Variants in ELFN1 observed in about 807,000 individuals in gnomAD.
The protein encoded by ELFN1 is protein ELFN1.
ELFN1 carries 6 observed loss-of-function variants against 7.6 expected under a neutral mutation model. The observed-to-expected ratio is 0.79, with a 90% CI of 0.43 to 1.56. The LOEUF is 1.56. ELFN1 is among the 40% of genes most tolerant of loss of function. The pLI, the probability that ELFN1 is intolerant of heterozygous loss-of-function variation, is 0.01. For missense variants in ELFN1, 1,169 were observed against 1,232.2 expected (o/e 0.95, Z 0.77); for synonymous variants, 657 against 588.1 (o/e 1.12, Z -1.70).
At chr7:1,679,149 A>G (rs544530095) in intron 1 of ELFN1, among the ~76,000 whole-genome samples, 41 of 151,440 alleles carry the variant, frequency 2.7e-4, no homozygotes, top group East Asian at 9.7e-4. Context: ...GCGTGCGCGC[A>G]CACACACACG....
At chr7:1,743,451 G>C (rs1340644757) in intron 3 of ELFN1, among the ~76,000 whole-genome samples, 1 of 152,208 alleles carries the variant, frequency 6.6e-6, no homozygotes, top group East Asian at 1.9e-4. Context: ...CCTTCCAGAA[G>C]GGAGGTGGCC....
intron 3 of ELFN1, among the ~76,000 whole-genome samples, chr7:1,743,098 C>G (rs1452950092): frequency 6.6e-6 from 1 of 151,998 alleles, no homozygotes; most frequent in South Asian, 2.1e-4. Flanking sequence ...TGGGGGGGTC[C>G]ATGGGGGAGC....
chr7:1,722,617 G>A (rs1399365936), intron 3 of ELFN1, among the ~76,000 whole-genome samples: 6 of 151,950 alleles, frequency 3.9e-5, no homozygotes, highest in Middle Eastern at 3.2e-3. Context: ...CTTTAATACC[G>A]TCTCTGGTGT....
chr7:1,744,893 C>T lies in ELFN1; in HGVS notation c.297C>T (p.Ile99=), dbSNP rs202117598. ...LNLTKNEIGY[I]EDGAFSGQFN... ...TCACCAAGAACGAGATCGGCTACAT[C>T]GAGGACGGCGCCTTCTCGGGCCAGT... is the stretch of plus-strand genomic sequence containing the variant. Residue 99 remains isoleucine, a synonymous_variant, in exon 4 of 4, where the codon ATC becomes ATT. Coordinates refer to ENST00000424383, the MANE Select transcript of ELFN1 (RefSeq NM_001128636.4). 2.2e-3 allele frequency: 3,426 copies of T among 1,559,432 alleles called. 32 individuals are homozygous for T. The highest frequency in any genetic ancestry group is 0.015 in the South Asian group (1,307 of 84,564).
chr7:1,720,168 A>T (rs1779975999), intron 3 of ELFN1, among the ~76,000 whole-genome samples: 1 of 152,022 alleles, frequency 6.6e-6, no homozygotes, highest in South Asian at 2.1e-4. Context: ...CTCCTTTTAA[A>T]CCCCACCCTC....
intron 2 of ELFN1, among the ~76,000 whole-genome samples, chr7:1,704,792 G>C (rs757612748): frequency 6.6e-6 from 1 of 152,116 alleles, no homozygotes; most frequent in Admixed American, 6.5e-5. Flanking sequence ...AACGTCACCT[G>C]TCTGCTGAGG....
intron 2 of ELFN1, among the ~76,000 whole-genome samples, chr7:1,698,443 G>A (rs1026351291): frequency 4.6e-5 from 7 of 152,300 alleles, no homozygotes; most frequent in Admixed American, 3.9e-4. Flanking sequence ...AAGATGGGGC[G>A]AGGGGGCCTG....
intron 3 of ELFN1, among the ~76,000 whole-genome samples, chr7:1,730,067 C>T (rs577699495): frequency 3.3e-5 from 5 of 152,392 alleles, no homozygotes; most frequent in East Asian, 1.9e-4. Context: ...TCCGCCACGT[C>T]GGATGCCTTC....
rs542416349 is a variant in ELFN1, at chr7:1,704,443, G to A, written c.-455-4648G>A. On this transcript the variant is annotated intron_variant, in intron 2 of 3. Coordinates refer to ENST00000424383, the MANE Select transcript of ELFN1 (RefSeq NM_001128636.4). ...CACACATGCACACACAAGCACACCT[G>A]CATGCACACACACTCATGCATGTGC... is the stretch of plus-strand genomic sequence containing the variant. 2.0e-5 allele frequency among the ~76,000 whole-genome samples: 3 copies of A among 152,226 alleles called. No individual in the cohort carries two copies. In the East Asian group the frequency reaches 5.8e-4, roughly 29 times the overall value.
Position 1,701,770 on chromosome 7 carries a change from T to C in ELFN1, c.-455-7321T>C, listed in dbSNP as rs561427142. 2.9e-3 allele frequency among the ~76,000 whole-genome samples: 438 copies of C among 152,272 alleles called. 6 individuals carry two copies. Among genetic ancestry groups the C allele is most frequent in the Middle Eastern group, 0.01 (3 of 294 alleles). Reference sequence around the variant, plus strand: ...GTGAGCTGTGATTATGCCACTGCATTCCAGCCTGTGAAACAGAGTGAGACC... The same window carrying C: ...GTGAGCTGTGATTATGCCACTGCATCCCAGCCTGTGAAACAGAGTGAGACC... On this transcript the variant is annotated intron_variant, in intron 2 of 3. Transcript: ENST00000424383.
chr7:1,722,265 C>CTTTT (rs35253681), intron 3 of ELFN1, among the ~76,000 whole-genome samples: 4 of 135,282 alleles, frequency 3.0e-5, no homozygotes, highest in Non-Finnish European at 3.2e-5. Flanking sequence ...TTAGGAGCCA[C>CTTTT]TTTTTTTTTT....
chr7:1,681,501 T>G (rs1467447520), intron 1 of ELFN1, among the ~76,000 whole-genome samples: 1 of 152,204 alleles, frequency 6.6e-6, no homozygotes, highest in African/African-American at 2.4e-5. Context: ...TAGCTGGGAT[T>G]ACAGGCACGC....
At chr7:1,704,814 G>A (rs557017595) in intron 2 of ELFN1, among the ~76,000 whole-genome samples, 1 of 152,224 alleles carries the variant, frequency 6.6e-6, no homozygotes, top group South Asian at 2.1e-4. Context: ...CCTGCCTGCT[G>A]TATGCTGGGG....
intron 3 of ELFN1, among the ~76,000 whole-genome samples, chr7:1,741,695 G>A (rs948416661): frequency 1.3e-5 from 2 of 152,146 alleles, no homozygotes; most frequent in African/African-American, 2.4e-5. Flanking sequence ...CACTTAGAGC[G>A]TGTTTCCTGC....
Position 1,735,680 on chromosome 7 carries a change from C to A in ELFN1, c.-293-8624C>A, listed in dbSNP as rs959612553. Among the ~76,000 whole-genome samples the A allele has an allele frequency of 6.6e-6, 1 of 152,086 alleles. No individual in the cohort carries two copies. Among genetic ancestry groups the A allele is most frequent in the Non-Finnish European group, 1.5e-5 (1 of 67,990 alleles). On this transcript the variant is annotated intron_variant, in intron 3 of 3. Transcript: ENST00000424383. The surrounding 1 kb of genome is among the most constrained non-coding windows in gnomAD (Gnocchi z 5.9). ...CTCAATGGGCCCCCCTCTGTGGGCA[C>A]CAGGTCCGGCAACTGTGCTGAAGGA...
At chr7:1,706,964 G>A (rs1167130625) in intron 2 of ELFN1, among the ~76,000 whole-genome samples, 1 of 152,098 alleles carries the variant, frequency 6.6e-6, no homozygotes, top group African/African-American at 2.4e-5. Flanking sequence ...GCATGCCTCT[G>A]TGTGCGCATG....
intron 3 of ELFN1, among the ~76,000 whole-genome samples, chr7:1,712,405 C>G (rs1394043188): frequency 1.3e-5 from 2 of 150,920 alleles, no homozygotes; most frequent in Non-Finnish European, 2.9e-5. Flanking sequence ...CAGGCATGAG[C>G]CACGGTGCCC....
chr7:1,716,473 C>T (rs1042296072), intron 3 of ELFN1, among the ~76,000 whole-genome samples: 3 of 152,200 alleles, frequency 2.0e-5, no homozygotes, highest in African/African-American at 4.8e-5. Flanking sequence ...TCCTTCCTGC[C>T]GCTGGACGTG....
chr7:1,726,831 C>T (rs751588121), intron 3 of ELFN1, among the ~76,000 whole-genome samples: 1 of 152,202 alleles, frequency 6.6e-6, no homozygotes, highest in African/African-American at 2.4e-5. Flanking sequence ...CACCAGAACT[C>T]GCCCCTGCAC....
Sources: gnomAD v4.1 joint callset for allele counts (sites outside exome capture counted in the v4.1 genomes callset) on GRCh38, gnomAD v4.1.1 for gene constraint, Gnocchi (gnomAD v3.1) non-coding constraint, MANE v1.5 for transcripts, NCBI Gene and HGNC (gene_info 2026-07-23, HGNC 2026-07-21) for gene names.